RBFOX1: variants seen among roughly 807,000 people sequenced by gnomAD.
RBFOX1 encodes RNA binding protein fox-1 homolog 1.
Under a neutral mutation model 57.7 loss-of-function variants are expected in RBFOX1, and 8 were observed. The ratio of observed to expected loss-of-function variants is 0.14; its 90% CI spans 0.08 to 0.25. The LOEUF (loss-of-function observed/expected upper bound fraction) is 0.25. Among genes scored for constraint, RBFOX1 ranks in the 10% least tolerant of loss-of-function variants. The pLI is 1.00. For synonymous variants in RBFOX1, 326 were observed against 222.4 expected (o/e 1.47, Z -4.15); for missense variants, 611 against 548.5 (o/e 1.11, Z -1.14).
intron 3 of RBFOX1, among the ~76,000 whole-genome samples, chr16:5,757,063 T>G (rs1287663501): frequency 4.6e-5 from 7 of 152,210 alleles, no homozygotes. Flanking sequence ...AGTTCTGTAT[T>G]GCATTCTTCA....
intron 4 of RBFOX1, among the ~76,000 whole-genome samples, chr16:7,396,296 C>T (rs749638611): frequency 1.9e-4 from 29 of 152,174 alleles, no homozygotes; most frequent in Admixed American, 1.3e-4. Flanking sequence ...ATGACACTCA[C>T]AAACTGTGGC....
At chr16:7,193,362 C>A (rs139049206) in intron 4 of RBFOX1, among the ~76,000 whole-genome samples, 11 of 152,342 alleles carry the variant, frequency 7.2e-5, no homozygotes, top group African/African-American at 2.6e-4. Flanking sequence ...CAGAAAAGAA[C>A]ATGCCCCACA....
intron 4 of RBFOX1, among the ~76,000 whole-genome samples, chr16:7,315,467 CA>C (rs2096416566): frequency 6.7e-6 from 1 of 149,898 alleles, no homozygotes; most frequent in Admixed American, 6.6e-5. Flanking sequence ...CCCCCCCCCC[CA>C]TACTGGGGGC....
intron 3 of RBFOX1, among the ~76,000 whole-genome samples, chr16:5,633,509 G>A (rs944631804): frequency 3.9e-5 from 6 of 152,034 alleles, no homozygotes; most frequent in East Asian, 1.9e-4. Flanking sequence ...CTGTGTATCC[G>A]ACAAAAGACT....
intron 2 of RBFOX1, among the ~76,000 whole-genome samples, chr16:6,582,477 A>G (rs528876452): frequency 4.9e-5 from 5 of 101,822 alleles, no homozygotes; most frequent in Admixed American, 1.0e-4. Flanking sequence ...TTTTTTTTCA[A>G]TTTTTAGATG....
At chr16:7,058,917 T>C (rs1408302143) in intron 4 of RBFOX1, among the ~76,000 whole-genome samples, 1 of 152,204 alleles carries the variant, frequency 6.6e-6, no homozygotes, top group Non-Finnish European at 1.5e-5. Context: ...AAGATTGTGA[T>C]ACTGGAATGC....
At position 5,448,071 on chromosome 16, in the gene RBFOX1, C is replaced by A. The variant is rs1330476470; in HGVS notation, c.220-19145C>A. Among the ~76,000 whole-genome samples, 4 of 152,276 alleles carry A rather than the reference C, an allele frequency of 2.6e-5. No individual in the cohort carries two copies. The East Asian group carries it at 5.8e-4, about 22-fold the overall frequency. On this transcript the variant is annotated intron_variant, in intron 1 of 2. Coordinates refer to the RBFOX1 transcript ENST00000585867. ...GCTATCATGGGAAGTGAATCGAGGT[C>A]AGTTCTTAGACAATTGGCTGGATAT...
intron 5 of RBFOX1, among the ~76,000 whole-genome samples, chr16:7,557,645 A>G (rs2089060993): frequency 3.1e-5 from 3 of 97,630 alleles, no homozygotes; most frequent in Admixed American, 1.1e-4. Flanking sequence ...AAAAAAAAGA[A>G]AAAGAAAAAA....
chr16:6,746,900 G>A (rs1234833796), intron 3 of RBFOX1, among the ~76,000 whole-genome samples: 1 of 152,058 alleles, frequency 6.6e-6, no homozygotes, highest in East Asian at 1.9e-4. Flanking sequence ...CCATCTCCTA[G>A]CAGTCTTCTC....
intron 5 of RBFOX1, among the ~76,000 whole-genome samples, chr16:7,572,317 C>T (rs1172312556): frequency 2.6e-5 from 4 of 152,162 alleles, no homozygotes; most frequent in Non-Finnish European, 5.9e-5. Flanking sequence ...AGCAGACTTG[C>T]AGGTCGCTCA....
chr16:5,408,558 C>T (rs1478913983), intron 1 of RBFOX1, among the ~76,000 whole-genome samples: 3 of 152,152 alleles, frequency 2.0e-5, no homozygotes, highest in African/African-American at 4.8e-5. Context: ...TGGATGGCAG[C>T]GACAGTGCTT....
intron 2 of RBFOX1, among the ~76,000 whole-genome samples, chr16:6,642,708 T>C (rs576093689): frequency 2.6e-5 from 4 of 152,276 alleles, no homozygotes; most frequent in South Asian, 4.1e-4. Context: ...TGTCTTTATT[T>C]GCATAATAGT....
At chr16:5,671,328 G>A (rs1450388097) in intron 3 of RBFOX1, among the ~76,000 whole-genome samples, 6 of 152,150 alleles carry the variant, frequency 3.9e-5, no homozygotes, top group African/African-American at 1.4e-4. Context: ...TCTTATTAGT[G>A]TAGAAGGATA....
intron 4 of RBFOX1, among the ~76,000 whole-genome samples, chr16:7,291,646 G>C (rs1379318178): frequency 6.6e-6 from 1 of 151,908 alleles, no homozygotes; most frequent in Admixed American, 6.6e-5. Flanking sequence ...CGTTTGTTTG[G>C]GGGAATGTTA....
At chr16:6,407,943 G>C (rs560877615) in intron 2 of RBFOX1, among the ~76,000 whole-genome samples, 1 of 152,176 alleles carries the variant, frequency 6.6e-6, no homozygotes, top group Non-Finnish European at 1.5e-5. Flanking sequence ...ATAGTATTAA[G>C]AGCTGGAGGC....
chr16:6,817,215 C>T (rs1031185154), intron 3 of RBFOX1, among the ~76,000 whole-genome samples: 1 of 152,082 alleles, frequency 6.6e-6, no homozygotes, highest in Non-Finnish European at 1.5e-5. Flanking sequence ...GTGCAAGGAA[C>T]TTTGTTGCAG....
chr16:5,648,163 T>A (rs1018663162), intron 3 of RBFOX1, among the ~76,000 whole-genome samples: 1 of 152,112 alleles, frequency 6.6e-6, no homozygotes, highest in Non-Finnish European at 1.5e-5. Context: ...CCTGGCCACC[T>A]TGTAGGCTTT....
intron 3 of RBFOX1, among the ~76,000 whole-genome samples, chr16:6,737,966 C>G (rs1376297676): frequency 6.6e-6 from 1 of 151,292 alleles, no homozygotes; most frequent in Non-Finnish European, 1.5e-5. Flanking sequence ...ATGCTTGAGC[C>G]AGAGAAAAGT....
chr16:5,314,377 G>C (rs1039442101), intron 1 of RBFOX1, among the ~76,000 whole-genome samples: 1 of 152,262 alleles, frequency 6.6e-6, no homozygotes, highest in East Asian at 1.9e-4. Context: ...TCTGCCTCTG[G>C]AGCTGCTGTG....
Sources: allele counts gnomAD v4.1 joint callset (sites outside exome capture counted in the v4.1 genomes callset), GRCh38; gene constraint gnomAD v4.1.1; transcripts MANE v1.5; gene names NCBI Gene and HGNC (gene_info 2026-07-23, HGNC 2026-07-21).